CNTN4: variants seen among roughly 807,000 people sequenced by gnomAD.
CNTN4 encodes contactin 4.
CNTN4 carries 77 observed loss-of-function variants against 122.5 expected under a neutral mutation model. The ratio of observed to expected loss-of-function variants is 0.63; its 90% confidence interval spans 0.52 to 0.76. The LOEUF (loss-of-function observed/expected upper bound fraction) is 0.76. CNTN4 is among the 30% of genes least tolerant of loss of function. CNTN4 has a pLI of 0.00. For missense variants in CNTN4, 1,256 were observed against 1,259.1 expected (o/e 1.00, Z 0.04); for synonymous variants, 512 against 447.0 (o/e 1.15, Z -1.83).
At chr3:2,963,931 G>A (rs941083986) in intron 13 of CNTN4, among the ~76,000 whole-genome samples, 1 of 152,110 alleles carries the variant, frequency 6.6e-6, no homozygotes, top group Non-Finnish European at 1.5e-5. Flanking sequence ...ATTGAAGAAT[G>A]GTCATAAACA....
At chr3:2,148,486 T>C (rs2035348241) in intron 2 of CNTN4, among the ~76,000 whole-genome samples, 1 of 151,792 alleles carries the variant, frequency 6.6e-6, no homozygotes, top group African/African-American at 2.4e-5. Context: ...TGAGCTGAGA[T>C]TGCACCACTG....
At chr3:2,986,541 C>G (rs112395483) in intron 13 of CNTN4, among the ~76,000 whole-genome samples, 2 of 152,168 alleles carry the variant, frequency 1.3e-5, no homozygotes, top group Non-Finnish European at 2.9e-5. Flanking sequence ...TGTAGCTTCT[C>G]CATCTGTAAG....
At chr3:2,430,218 T>C (rs927345227) in intron 3 of CNTN4, among the ~76,000 whole-genome samples, 1 of 151,794 alleles carries the variant, frequency 6.6e-6, no homozygotes, top group Non-Finnish European at 1.5e-5. Flanking sequence ...GGTCAGGAGA[T>C]TGAGACCATC....
chr3:2,771,904 A>T (rs1229766488), intron 6 of CNTN4, among the ~76,000 whole-genome samples: 1 of 152,178 alleles, frequency 6.6e-6, no homozygotes, highest in Non-Finnish European at 1.5e-5. Context: ...CAGATGGTTG[A>T]TAGTTAAAGA....
intron 3 of CNTN4, among the ~76,000 whole-genome samples, chr3:2,374,410 C>A (rs2045744557): frequency 6.6e-6 from 1 of 152,168 alleles, no homozygotes; most frequent in African/African-American, 2.4e-5. Flanking sequence ...GATGTCACAT[C>A]CTCTGTGTAT....
At chr3:2,209,222 A>G (rs543161713) in intron 2 of CNTN4, among the ~76,000 whole-genome samples, 6 of 152,216 alleles carry the variant, frequency 3.9e-5, no homozygotes, top group Middle Eastern at 3.4e-3. Flanking sequence ...GTTCCTGTCA[A>G]TCTCACACAA....
chr3:2,883,637 T>C lies in CNTN4; in HGVS notation c.755+390T>C, dbSNP rs925284894. ...GGACTTTCATTTTGGCCCCAGTTTA[T>C]AGAGGATGCATCAGACTTTTCTTGA... On this transcript the variant is annotated intron_variant, in intron 9 of 24. Transcript: ENST00000418658. Among the ~76,000 whole-genome samples, 6 of 152,338 alleles carry C rather than the reference T, an allele frequency of 3.9e-5. 1 individual carries two copies. Among genetic ancestry groups the C allele is most frequent in the Non-Finnish European group, 1.5e-5 (1 of 68,030 alleles).
Position 2,651,828 on chromosome 3 carries a change from C to T in CNTN4, c.55+80270C>T, listed in dbSNP as rs373995592. 4.6e-5 allele frequency among the ~76,000 whole-genome samples: 7 copies of T among 151,518 alleles called. 1 individual carries two copies. In the East Asian group the frequency reaches 1.2e-3, roughly 25 times the overall value. Reference sequence around the variant, plus strand: ...AGCAATTTTCCCTACTTCTTACTCTCGAGTAGCTGGGATTACAGGCACCTG... The same window carrying T: ...AGCAATTTTCCCTACTTCTTACTCTTGAGTAGCTGGGATTACAGGCACCTG... On this transcript the variant is annotated intron_variant, in intron 4 of 24. Transcript: ENST00000418658.
At chr3:2,635,662 T>C (rs2082630975) in intron 4 of CNTN4, among the ~76,000 whole-genome samples, 1 of 152,230 alleles carries the variant, frequency 6.6e-6, no homozygotes, top group Non-Finnish European at 1.5e-5. Context: ...ATTGTGGCTT[T>C]TTCTGGCCAT....
At chr3:2,947,382 A>G (rs1387779768) in intron 13 of CNTN4, among the ~76,000 whole-genome samples, 1 of 152,192 alleles carries the variant, frequency 6.6e-6, no homozygotes, top group Non-Finnish European at 1.5e-5. Flanking sequence ...TACCTCCTAT[A>G]GGCAATAGTG....
chr3:2,875,235 G>A (rs1239847254), intron 8 of CNTN4, among the ~76,000 whole-genome samples: 4 of 152,002 alleles, frequency 2.6e-5, no homozygotes, highest in Non-Finnish European at 2.9e-5. Flanking sequence ...CTCCAATCTC[G>A]GCCTCCCAAA....
At chr3:2,699,023 TAAAA>T (rs11334621) in intron 4 of CNTN4, among the ~76,000 whole-genome samples, 9 of 149,194 alleles carry the variant, frequency 6.0e-5, no homozygotes, top group African/African-American at 2.2e-4. Flanking sequence ...GACTCTGTCT[TAAAA>T]AAAAAAAAGA....
At chr3:3,055,694 C>T (rs913677246) in intron 24 of CNTN4, among the ~76,000 whole-genome samples, 13 of 152,184 alleles carry the variant, frequency 8.5e-5, no homozygotes, top group African/African-American at 2.9e-4. Flanking sequence ...TTACCGCCAT[C>T]TGTTAAGCGA....
chr3:2,400,639 A>C (rs2046824165), intron 3 of CNTN4, among the ~76,000 whole-genome samples: 1 of 150,304 alleles, frequency 6.7e-6, no homozygotes, highest in Non-Finnish European at 1.5e-5. Flanking sequence ...GTTTAGTAAC[A>C]AGTTAATGTT....
intron 4 of CNTN4, among the ~76,000 whole-genome samples, chr3:2,679,376 C>A (rs1359151235): frequency 3.9e-5 from 6 of 152,118 alleles, no homozygotes; most frequent in African/African-American, 1.4e-4. Flanking sequence ...AGGGCAGAGA[C>A]TCAGCCCATC....
At chr3:2,893,033 C>G (rs2094062096) in intron 10 of CNTN4, among the ~76,000 whole-genome samples, 1 of 152,200 alleles carries the variant, frequency 6.6e-6, no homozygotes, top group Non-Finnish European at 1.5e-5. Context: ...GATACTCTTT[C>G]TTGCGTTTTC....
intron 7 of CNTN4, 115 bp from the exon 8 acceptor site, chr3:2,866,637 A>C: frequency 8.0e-7 from 1 of 1,246,784 alleles, no homozygotes; most frequent in African/African-American, 1.5e-5. Context: ...AGTGGGCTGA[A>C]AAAGAGTCAT....
intron 4 of CNTN4, among the ~76,000 whole-genome samples, chr3:2,691,070 C>T (rs1341920292): frequency 6.6e-6 from 1 of 151,322 alleles, no homozygotes; most frequent in East Asian, 2.0e-4. Flanking sequence ...GTAGGTCTTG[C>T]ATTTGGAATC....
chr3:2,391,428 C>G (rs2046438269), intron 3 of CNTN4, among the ~76,000 whole-genome samples: 1 of 152,102 alleles, frequency 6.6e-6, no homozygotes. Context: ...ATGAGAAACC[C>G]AGAGAAAGAT....
Sources: gnomAD v4.1 joint callset for allele counts (sites outside exome capture counted in the v4.1 genomes callset) on GRCh38, gnomAD v4.1.1 for gene constraint, MANE v1.5 for transcripts, NCBI Gene and HGNC (gene_info 2026-07-23, HGNC 2026-07-21) for gene names.